BTBD9: variants seen among roughly 807,000 people sequenced by gnomAD.
BTBD9 encodes BTB domain containing 9, also known as BTB/POZ domain-containing protein 9.
Under a neutral mutation model 64.3 loss-of-function variants are expected in BTBD9, and 49 were observed. That is an observed-to-expected ratio of 0.76 (90% CI 0.61 to 0.97). BTBD9 has a LOEUF of 0.97. Among genes scored for constraint, BTBD9 ranks in the 50% least tolerant of loss-of-function variants. The probability of loss-of-function intolerance (pLI) is 0.00; values close to 1 mark genes in which losing one functional copy is unlikely to be tolerated. For missense variants in BTBD9, 598 were observed against 762.1 expected (o/e 0.78, Z 2.53); for synonymous variants, 260 against 274.7 (o/e 0.95, Z 0.53).
At chr6:38,410,491 A>C (rs1405099380) in intron 6 of BTBD9, among the ~76,000 whole-genome samples, 1 of 152,222 alleles carries the variant, frequency 6.6e-6, no homozygotes, top group African/African-American at 2.4e-5. Context: ...CAAACAAAAA[A>C]AAGAATAAAA....
intron 6 of BTBD9, among the ~76,000 whole-genome samples, chr6:38,390,063 T>C (rs1766344755): frequency 6.6e-6 from 1 of 152,226 alleles, no homozygotes; most frequent in Non-Finnish European, 1.5e-5. Context: ...GATGGTACAA[T>C]GAAGTGACTG....
At chr6:38,557,475 T>C (rs1256656773) in intron 6 of BTBD9, among the ~76,000 whole-genome samples, 1 of 152,370 alleles carries the variant, frequency 6.6e-6, no homozygotes, top group South Asian at 2.1e-4. Flanking sequence ...GTTTCCTCAT[T>C]TGTGAAATAC....
At chr6:38,424,835 T>TTTA (rs1385612133) in intron 6 of BTBD9, among the ~76,000 whole-genome samples, 23 of 150,840 alleles carry the variant, frequency 1.5e-4, no homozygotes, top group Non-Finnish European at 2.2e-4. Flanking sequence ...TTATTTTATT[T>TTTA]TTATTATTAT....
chr6:38,260,137 G>A (rs1441765889), intron 8 of BTBD9, among the ~76,000 whole-genome samples: 2 of 152,048 alleles, frequency 1.3e-5, no homozygotes. Context: ...AAGATGTTTG[G>A]TCTTTCTCTT....
intron 7 of BTBD9, among the ~76,000 whole-genome samples, chr6:38,303,357 G>A (rs964886118): frequency 6.8e-6 from 1 of 146,320 alleles, no homozygotes; most frequent in East Asian, 1.9e-4. Context: ...ATGAATATGC[G>A]ACTGTTCCTG....
chr6:38,273,046 A>T (rs1433620026), intron 8 of BTBD9, among the ~76,000 whole-genome samples: 2 of 152,198 alleles, frequency 1.3e-5, no homozygotes, highest in Non-Finnish European at 2.9e-5. Flanking sequence ...TATTGTTGGT[A>T]CTTGTACAAT....
chr6:38,353,314 A>AT (rs1450168859), intron 6 of BTBD9, among the ~76,000 whole-genome samples: 2 of 151,890 alleles, frequency 1.3e-5, no homozygotes, highest in Middle Eastern at 3.4e-3. Flanking sequence ...TGTTCTTTCC[A>AT]TTTTTTTCAG....
chr6:38,492,366 T>C (rs1422630213), intron 6 of BTBD9, among the ~76,000 whole-genome samples: 1 of 152,268 alleles, frequency 6.6e-6, no homozygotes, highest in South Asian at 2.1e-4. Flanking sequence ...CATCTTCCTA[T>C]GGCCCCATTT....
chr6:38,417,800 G>GAGAGAGA (rs1554149297), intron 6 of BTBD9, among the ~76,000 whole-genome samples: 2,195 of 142,992 alleles, frequency 0.015, 65 homozygotes, highest in African/African-American at 0.057. Flanking sequence ...GAGAGAGAGA[G>GAGAGAGA]AAAAAAAATA....
intron 9 of BTBD9, 62 bp from the exon 10 acceptor site, chr6:38,192,659 C>T: frequency 6.9e-7 from 1 of 1,449,336 alleles, no homozygotes; most frequent in East Asian, 2.3e-5. Context: ...GGTAGTGTGG[C>T]CGATGGAGTC....
chr6:38,179,884 G>A (rs1230084880), intron 10 of BTBD9: 4 of 449,552 alleles, frequency 8.9e-6, no homozygotes, highest in Non-Finnish European at 1.8e-5. Context: ...GGGTTGGGAG[G>A]CAGGGAGGGG....
chr6:38,341,111 ATAGATT>A (rs1316792311), intron 7 of BTBD9, among the ~76,000 whole-genome samples: 1 of 152,250 alleles, frequency 6.6e-6, no homozygotes, highest in Non-Finnish European at 1.5e-5. Flanking sequence ...AAGAGAACAT[ATAGATT>A]TAAAGAGATT....
intron 6 of BTBD9, among the ~76,000 whole-genome samples, chr6:38,358,678 T>G (rs889309637): frequency 2.0e-5 from 3 of 152,210 alleles, no homozygotes; most frequent in Non-Finnish European, 4.4e-5. Context: ...AGAAATCCTC[T>G]GTTTTTTGTT....
At chr6:38,562,417 T>C (rs373295849) in intron 6 of BTBD9, among the ~76,000 whole-genome samples, 12 of 152,212 alleles carry the variant, frequency 7.9e-5, no homozygotes, top group African/African-American at 2.4e-4. Flanking sequence ...GATCTATTCT[T>C]TTTTTCTTCA....
chr6:38,450,149 A>T (rs147833112), intron 6 of BTBD9, among the ~76,000 whole-genome samples: 1 of 152,338 alleles, frequency 6.6e-6, no homozygotes, highest in Non-Finnish European at 1.5e-5. Context: ...AGTTAAATGA[A>T]ATAAGCCAGG....
Position 38,385,292 on chromosome 6 carries a change from C to A in BTBD9, c.1155-40199G>T, listed in dbSNP as rs143547101. ...CTGCAACCTCCGCCTCTGGCTCAAG[C>A]AATTCTCCCACCTCAGCCTCCCAAG... On this transcript the variant is annotated intron_variant, in intron 6 of 10. Transcript: ENST00000481247. Among the ~76,000 whole-genome samples the A allele has an allele frequency of 6.6e-3, 1,003 of 151,158 alleles. 12 individuals are homozygous for A. The highest frequency in any genetic ancestry group is 0.024 in the African/African-American group (970 of 41,030).
intron 7 of BTBD9, among the ~76,000 whole-genome samples, chr6:38,343,029 A>G (rs902493667): frequency 1.3e-5 from 2 of 152,186 alleles, no homozygotes; most frequent in African/African-American, 4.8e-5. Context: ...GCGCATGTAC[A>G]TATCTGCCTA....
chr6:38,463,149 T>G (rs1357856177), intron 6 of BTBD9, among the ~76,000 whole-genome samples: 1 of 152,248 alleles, frequency 6.6e-6, no homozygotes, highest in African/African-American at 2.4e-5. Context: ...CTTTTGATGC[T>G]ATAATAAATG....
intron 9 of BTBD9, among the ~76,000 whole-genome samples, chr6:38,229,025 C>CGT (rs1763509857): frequency 6.6e-6 from 1 of 151,914 alleles, no homozygotes; most frequent in Admixed American, 6.6e-5. Flanking sequence ...AGTGAAACCC[C>CGT]GTCTCTACTA....
Sources: gnomAD v4.1 joint callset for allele counts (sites outside exome capture counted in the v4.1 genomes callset) on GRCh38, gnomAD v4.1.1 for gene constraint, MANE v1.5 for transcripts, NCBI Gene and HGNC (gene_info 2026-07-23, HGNC 2026-07-21) for gene names.